The following KIFC3 variants were observed in gnomAD, a reference collection of about 807,000 sequenced individuals.
KIFC3 encodes the protein kinesin-like protein KIFC3.
Under a neutral mutation model 101.8 loss-of-function variants are expected in KIFC3, and 60 were observed. The observed-to-expected ratio is 0.59, with a 90% confidence interval of 0.48 to 0.73. The LOEUF (loss-of-function observed/expected upper bound fraction) is 0.73, where lower values mean the gene tolerates loss of function less well. KIFC3 is among the 30% of genes least tolerant of loss of function. KIFC3 has a pLI of 0.00. For synonymous variants in KIFC3, 476 were observed against 482.7 expected (o/e 0.99, Z 0.18); for missense variants, 966 against 1,137.1 (o/e 0.85, Z 2.16).
In KIFC3 at chr16:57,770,668, G is replaced by A; in HGVS notation, c.798C>T (p.Ser266=). The change falls in exon 7 of 20, where the codon TCC becomes TCT. Residue 266 remains serine, a synonymous_variant. Coordinates refer to ENST00000445690, the MANE Select transcript of KIFC3 (RefSeq NM_001130100.2). ...YVIKTVEVES[S]KTKQALSESQ... ...ACTCGCTGAGGGCCTGCTTGGTCTT[G>A]GACGACTCCACCTCCACTGTCTTGA... 6.5e-7 allele frequency: 1 copy of A among 1,547,808 alleles called. No homozygotes were observed. The highest frequency in any genetic ancestry group is 2.4e-5 in the East Asian group (1 of 42,068).
chr16:57,798,389 T>C, intron 1 of KIFC3, 107 bp from the exon 2 acceptor site: 1 of 1,022,136 alleles, frequency 9.8e-7, no homozygotes, highest in Non-Finnish European at 1.5e-6. Flanking sequence ...CGGTCGCTGG[T>C]TACCCAGCGC....
intron 3 of KIFC3, chr16:57,790,882 C>T: frequency 1.0e-6 from 1 of 982,970 alleles, no homozygotes; most frequent in Non-Finnish European, 1.2e-6. Flanking sequence ...CACCCCCTCC[C>T]TCTCTCGACC....
intron 4 of KIFC3, 90 bp downstream of exon 4, chr16:57,772,129 GGAGA>G (rs2051320764): frequency 9.3e-7 from 1 of 1,074,558 alleles, no homozygotes; most frequent in Admixed American, 2.0e-5. Context: ...TGCGGGCTCA[GGAGA>G]GAGAGGGTCG....
rs542253302 is a variant in KIFC3, at chr16:57,784,814, C to T, written c.315+10185G>A. On this transcript the variant is annotated intron_variant, in intron 3 of 19. Coordinates refer to ENST00000445690, the MANE Select transcript of KIFC3 (RefSeq NM_001130100.2). ...GAGATGCAGAAGGAGAAGAAAGTGA[C>T]GCAGTCACACACACAGAAGAGGGCC... 1.3e-4 allele frequency among the ~76,000 whole-genome samples: 19 copies of T among 151,964 alleles called. No individual in the cohort carries two copies. The South Asian group carries it at 2.7e-3, about 22-fold the overall frequency.
At chr16:57,839,862 G>T (rs2055767772) in intron 1 of KIFC3, among the ~76,000 whole-genome samples, 1 of 151,976 alleles carries the variant, frequency 6.6e-6, no homozygotes, top group African/African-American at 2.4e-5. Context: ...TTGTCAATTT[G>T]ACAGCTTCTC....
intron 1 of KIFC3, among the ~76,000 whole-genome samples, chr16:57,838,723 A>G (rs943919401): frequency 3.9e-5 from 6 of 152,224 alleles, no homozygotes; most frequent in Non-Finnish European, 7.3e-5. Context: ...ACGCTTGATC[A>G]TAGCTTTGCT....
chr16:57,781,205 T>C (rs1555614430), intron 3 of KIFC3, among the ~76,000 whole-genome samples: 1 of 152,086 alleles, frequency 6.6e-6, no homozygotes, highest in African/African-American at 2.4e-5. Context: ...GTCCTAGTTA[T>C]TCAGGAGGCT....
At chr16:57,784,170 C>T (rs544029632) in intron 3 of KIFC3, among the ~76,000 whole-genome samples, 1 of 152,384 alleles carries the variant, frequency 6.6e-6, no homozygotes, top group Non-Finnish European at 1.5e-5. Flanking sequence ...ACTGGGGTAT[C>T]CCCCGTGCCC....
At chr16:57,793,358 T>C (rs1194939873) in intron 3 of KIFC3, among the ~76,000 whole-genome samples, 1 of 150,892 alleles carries the variant, frequency 6.6e-6, no homozygotes, top group Non-Finnish European at 1.5e-5. Context: ...TTTGGGAGGC[T>C]GGGGCGGGCA....
chr16:57,765,820 C>A, intron 10 of KIFC3, 180 bp from the exon 11 acceptor site: 1 of 589,004 alleles, frequency 1.7e-6, no homozygotes, highest in Non-Finnish European at 3.0e-6. Flanking sequence ...AGTATGAATT[C>A]ACTTAGTACA....
At chr16:57,807,929 T>TAAAAAAAAAAAA (rs58392665), upstream of KIFC3, 8 of 81,552 alleles carry the variant, frequency 9.8e-5, no homozygotes, top group South Asian at 4.6e-4. Context: ...GATCCTGTCT[T>TAAAAAAAAAAAA]AAAAAAAAAA....
intron 3 of KIFC3, 60 bp downstream of exon 3, chr16:57,794,938 AC>A (rs1555621948): frequency 1.4e-6 from 2 of 1,435,934 alleles, no homozygotes; most frequent in Non-Finnish European, 1.8e-6. Context: ...CCTGGCAGGA[AC>A]CCAGCCACTG....
intron 3 of KIFC3, chr16:57,788,526 G>A: frequency 7.9e-6 from 10 of 1,261,158 alleles, no homozygotes; most frequent in Non-Finnish European, 1.0e-5. Context: ...CCTCCCTCCT[G>A]CGCTGGCTTC....
intron 3 of KIFC3, among the ~76,000 whole-genome samples, chr16:57,779,013 A>G (rs2052429415): frequency 6.6e-6 from 1 of 152,236 alleles, no homozygotes. Flanking sequence ...ACTATGGAAA[A>G]CAGTATGATG....
At chr16:57,790,773 T>C (rs1267355327) in intron 3 of KIFC3, among the ~76,000 whole-genome samples, 2 of 152,228 alleles carry the variant, frequency 1.3e-5, no homozygotes, top group East Asian at 3.8e-4. Context: ...ACATGATTCC[T>C]GTAATCTTCA....
At chr16:57,770,796 G>A in intron 6 of KIFC3, 96 bp from the exon 7 acceptor site, 2 of 1,102,538 alleles carry the variant, frequency 1.8e-6, no homozygotes, top group Non-Finnish European at 2.4e-6. Flanking sequence ...GAACTCTCGG[G>A]AACATCCCAC....
At chr16:57,816,838 G>A in intron 1 of KIFC3, 1 of 439,592 alleles carries the variant, frequency 2.3e-6, no homozygotes, top group Non-Finnish European at 4.6e-6. Flanking sequence ...AAGACTTGAG[G>A]CCAGGGAGGT....
At chr16:57,802,673 T>A, upstream of KIFC3, 2 of 930,126 alleles carry the variant, frequency 2.2e-6, no homozygotes, top group Non-Finnish European at 2.9e-6. This position sits in a 1 kb window ranked among gnomAD's most constrained non-coding sequence, Gnocchi z 5.0. Flanking sequence ...CTCCCACTCC[T>A]TCGCGGGGCC....
At chr16:57,773,061 C>G (rs1268652101) in intron 3 of KIFC3, among the ~76,000 whole-genome samples, 1 of 152,216 alleles carries the variant, frequency 6.6e-6, no homozygotes, top group Non-Finnish European at 1.5e-5. Context: ...GCCCTAGACC[C>G]TGGTCTCACA....
Sources: allele counts gnomAD v4.1 joint callset (sites outside exome capture counted in the v4.1 genomes callset), GRCh38; gene constraint gnomAD v4.1.1; non-coding constraint Gnocchi (gnomAD v3.1); transcripts MANE v1.5; gene names NCBI Gene and HGNC (gene_info 2026-07-23, HGNC 2026-07-21).